The following GOLPH3 variants were observed in gnomAD, a reference collection of about 807,000 sequenced individuals.
The protein encoded by GOLPH3 is golgi phosphoprotein 3, also known as coat protein GPP34.
Under a neutral mutation model 28.5 loss-of-function variants are expected in GOLPH3, and 14 were observed. The observed-to-expected ratio is 0.49, with a 90% CI of 0.32 to 0.77. GOLPH3 has a LOEUF of 0.77. Ranked by LOEUF, GOLPH3 falls within the 30% of genes least tolerant of loss-of-function variation. The probability of loss-of-function intolerance (pLI) is 0.03; values close to 1 mark genes in which losing one functional copy is unlikely to be tolerated. For missense variants in GOLPH3, 350 were observed against 393.7 expected, an observed-to-expected ratio of 0.89 and a Z score of 0.94; for synonymous variants, 158 against 159.2, an observed-to-expected ratio of 0.99 and a Z score of 0.06.
intron 1 of GOLPH3, among the ~76,000 whole-genome samples, chr5:32,151,677 T>C (rs1746310774): frequency 6.6e-6 from 1 of 152,004 alleles, no homozygotes; most frequent in African/African-American, 2.4e-5. Flanking sequence ...ACCCACCTAA[T>C]TCAAAAAAAG....
At chr5:32,173,131 G>A (rs1054137853) in intron 1 of GOLPH3, among the ~76,000 whole-genome samples, 8 of 152,060 alleles carry the variant, frequency 5.3e-5, no homozygotes, top group Non-Finnish European at 1.5e-5. Flanking sequence ...CCTTTCTTAA[G>A]ACGGCAAGAC....
chr5:32,140,697 G>A (rs980411570), intron 2 of GOLPH3, among the ~76,000 whole-genome samples: 1 of 151,064 alleles, frequency 6.6e-6, no homozygotes, highest in Non-Finnish European at 1.5e-5. Context: ...CAGACATGGT[G>A]GCATATACCT....
intron 3 of GOLPH3, among the ~76,000 whole-genome samples, chr5:32,130,689 ACTCCCCACCCAAAAAAAACACCCC>A (rs1205173533): frequency 2.6e-5 from 4 of 151,620 alleles, no homozygotes; most frequent in African/African-American, 9.7e-5. Flanking sequence ...GCAGCTTTCC[ACTCCCCACCCAAAAAAAACACCCC>A]CTCCCCTATA....
At chr5:32,134,924 G>A (rs995430577) in intron 3 of GOLPH3, 1 of 152,118 alleles carries the variant, frequency 6.6e-6, no homozygotes, top group Non-Finnish European at 1.5e-5. Context: ...CTCACATCAT[G>A]TTAATACACA....
At chr5:32,168,344 A>C (rs532128120) in intron 1 of GOLPH3, among the ~76,000 whole-genome samples, 17 of 152,352 alleles carry the variant, frequency 1.1e-4, no homozygotes, top group African/African-American at 4.1e-4. Context: ...AAAAATGGAA[A>C]ACATCTTTGG....
intron 1 of GOLPH3, 182 bp downstream of exon 1, chr5:32,173,628 G>T (rs924056218): frequency 1.3e-5 from 5 of 397,288 alleles, no homozygotes; most frequent in African/African-American, 2.1e-5. Flanking sequence ...CACCAGCCGC[G>T]CCAGGGGGTC....
intron 1 of GOLPH3, among the ~76,000 whole-genome samples, chr5:32,163,561 C>T (rs892573383): frequency 1.3e-5 from 2 of 152,050 alleles, no homozygotes; most frequent in Non-Finnish European, 2.9e-5. Flanking sequence ...GGCTGAGACA[C>T]AAGGATTGCT....
intron 1 of GOLPH3, among the ~76,000 whole-genome samples, chr5:32,161,454 A>C (rs1746576223): frequency 6.7e-6 from 1 of 150,294 alleles, no homozygotes; most frequent in South Asian, 2.1e-4. Context: ...CAAAGCTGAG[A>C]ATATGGAAAG....
chr5:32,168,376 A>G (rs894032473), intron 1 of GOLPH3, among the ~76,000 whole-genome samples: 1 of 152,250 alleles, frequency 6.6e-6, no homozygotes, highest in African/African-American at 2.4e-5. Context: ...AAGCCACACA[A>G]AAGTCAGTTC....
At chr5:32,132,886 T>A (rs539064009) in intron 3 of GOLPH3, among the ~76,000 whole-genome samples, 3 of 152,342 alleles carry the variant, frequency 2.0e-5, no homozygotes, top group East Asian at 1.9e-4. Flanking sequence ...AGATTTTTTT[T>A]AATTTTTTTA....
At chr5:32,169,742 T>C (rs1343361426) in intron 1 of GOLPH3, among the ~76,000 whole-genome samples, 1 of 152,130 alleles carries the variant, frequency 6.6e-6, no homozygotes, top group African/African-American at 2.4e-5. Flanking sequence ...AAACACTGGG[T>C]CAATTAAAGA....
intron 2 of GOLPH3, among the ~76,000 whole-genome samples, chr5:32,142,643 G>GT (rs1746098303): frequency 6.8e-6 from 1 of 147,464 alleles, no homozygotes; most frequent in Non-Finnish European, 1.5e-5. Flanking sequence ...CGTCCGGGAG[G>GT]GAGGTGGGGG....
At chr5:32,173,039 C>T (rs1046319753) in intron 1 of GOLPH3, among the ~76,000 whole-genome samples, 7 of 152,162 alleles carry the variant, frequency 4.6e-5, no homozygotes, top group Non-Finnish European at 1.0e-4. Context: ...AAAGAATTAT[C>T]TATTGCAACT....
chr5:32,163,181 C>T (rs943090315), intron 1 of GOLPH3, among the ~76,000 whole-genome samples: 1 of 152,190 alleles, frequency 6.6e-6, no homozygotes, highest in Non-Finnish European at 1.5e-5. Context: ...AAGGGCAAGG[C>T]TAGGTGTCAA....
intron 3 of GOLPH3, among the ~76,000 whole-genome samples, chr5:32,128,265 A>G (rs1174638579): frequency 2.6e-5 from 4 of 152,206 alleles, no homozygotes; most frequent in African/African-American, 9.7e-5. Flanking sequence ...AAGCCTCACT[A>G]AAAACCAGGA....
chr5:32,130,259 G>A (rs866861078), intron 3 of GOLPH3, among the ~76,000 whole-genome samples: 3 of 152,174 alleles, frequency 2.0e-5, no homozygotes, highest in South Asian at 4.1e-4. Context: ...GGCAGCCTAA[G>A]ACACTAGGCT....
intron 1 of GOLPH3, among the ~76,000 whole-genome samples, chr5:32,145,179 G>T (rs542723801): frequency 7.9e-5 from 12 of 152,242 alleles, no homozygotes; most frequent in African/African-American, 2.9e-4. Flanking sequence ...AGTTAAATTC[G>T]CCTCACCAAG....
intron 1 of GOLPH3, among the ~76,000 whole-genome samples, chr5:32,149,031 A>G (rs61494636): frequency 2.6e-5 from 4 of 152,200 alleles, no homozygotes; most frequent in African/African-American, 7.2e-5. Flanking sequence ...ATGGACCAGG[A>G]TGAACAAATT....
chr5:32,133,759 A>C (rs2111840751), intron 3 of GOLPH3, among the ~76,000 whole-genome samples: 1 of 152,354 alleles, frequency 6.6e-6, no homozygotes, highest in East Asian at 1.9e-4. Flanking sequence ...TTTGCTGATA[A>C]TATAATCTAG....
Sources: gnomAD v4.1 joint callset for allele counts (sites outside exome capture counted in the v4.1 genomes callset) on GRCh38, gnomAD v4.1.1 for gene constraint, MANE v1.5 for transcripts, NCBI Gene and HGNC (gene_info 2026-07-23, HGNC 2026-07-21) for gene names.